The following TTC7B variants were observed in gnomAD, a reference collection of about 807,000 sequenced individuals.
The protein encoded by TTC7B is tetratricopeptide repeat protein 7B.
A neutral mutation model predicts 106.8 loss-of-function variants in TTC7B; 28 were observed. The observed-to-expected ratio is 0.26, with a 90% CI of 0.19 to 0.36. The LOEUF is 0.36. Ranked by LOEUF, TTC7B falls within the 10% of genes least tolerant of loss-of-function variation. The probability of loss-of-function intolerance (pLI) is 1.00; values close to 1 mark genes in which losing one functional copy is unlikely to be tolerated. For missense variants in TTC7B, 862 were observed against 1,076.4 expected (o/e 0.80, Z 2.79); for synonymous variants, 405 against 430.6 (o/e 0.94, Z 0.74).
intron 15 of TTC7B, 121 bp downstream of exon 15, chr14:90,643,927 T>G: frequency 8.2e-7 from 1 of 1,222,378 alleles, no homozygotes; most frequent in Non-Finnish European, 1.2e-6. Context: ...GTAAAGGGGA[T>G]TTTATATTAT....
Position 90,760,853 on chromosome 14 carries a change from A to G in TTC7B, c.446-15931T>C, listed in dbSNP as rs115643143. Among the ~76,000 whole-genome samples the G allele has an allele frequency of 2.2e-3, 330 of 152,326 alleles. 3 individuals carry two copies. The highest frequency in any genetic ancestry group is 0.01 in the Middle Eastern group (3 of 294). On this transcript the variant is annotated intron_variant, in intron 3 of 19. Coordinates refer to ENST00000328459, the MANE Select transcript of TTC7B (RefSeq NM_001010854.2). ...CAACAAGCCAATAGCCTGGAAACCT[A>G]TATGCTGAGCACTAGCCAAGAATTC...
chr14:90,582,222 C>T (rs907059123), intron 18 of TTC7B, among the ~76,000 whole-genome samples: 1 of 152,254 alleles, frequency 6.6e-6, no homozygotes, highest in Admixed American at 6.5e-5. Flanking sequence ...GCCCCCCTCT[C>T]TCTGCCTCTG....
intron 13 of TTC7B, among the ~76,000 whole-genome samples, chr14:90,651,134 T>C (rs978546294): frequency 1.3e-5 from 2 of 152,242 alleles, no homozygotes; most frequent in African/African-American, 4.8e-5. Flanking sequence ...AATTATCCAT[T>C]TACATTTAAG....
At chr14:90,792,855 T>C (rs1891633712) in intron 1 of TTC7B, among the ~76,000 whole-genome samples, 1 of 152,042 alleles carries the variant, frequency 6.6e-6, no homozygotes, top group Non-Finnish European at 1.5e-5. Flanking sequence ...GAATAGAATA[T>C]GCAAAGGTAT....
chr14:90,546,018 C>T lies in TTC7B; in HGVS notation c.2311-4429G>A, dbSNP rs368076987. On this transcript the variant is annotated intron_variant, in intron 19 of 19. Coordinates refer to ENST00000328459, the MANE Select transcript of TTC7B (RefSeq NM_001010854.2). ...AAGCTGGAGCTGCTTAGGGAGACATCGCAGACTTGCCAGGGGCTGCCAGCT... is the reference window on the plus strand; with the variant it reads ...AAGCTGGAGCTGCTTAGGGAGACATTGCAGACTTGCCAGGGGCTGCCAGCT... Among the ~76,000 whole-genome samples, 41 of 152,332 alleles carry T rather than the reference C, an allele frequency of 2.7e-4. No homozygotes were observed. The South Asian group carries it at 4.3e-3, about 16-fold the overall frequency.
At chr14:90,739,309 G>A (rs559615607) in intron 4 of TTC7B, among the ~76,000 whole-genome samples, 2 of 152,336 alleles carry the variant, frequency 1.3e-5, no homozygotes, top group East Asian at 3.9e-4. Flanking sequence ...AAGGAAAGGA[G>A]GAATTGGCCT....
At chr14:90,679,029 G>A (rs746163631) in intron 8 of TTC7B, among the ~76,000 whole-genome samples, 3 of 152,200 alleles carry the variant, frequency 2.0e-5, no homozygotes, top group East Asian at 3.9e-4. Context: ...TGGATGACCC[G>A]GTGGGGAAGC....
intron 5 of TTC7B, among the ~76,000 whole-genome samples, chr14:90,720,937 G>A (rs189253696): frequency 1.2e-3 from 186 of 152,240 alleles, no homozygotes; most frequent in Middle Eastern, 6.8e-3. Context: ...TATGTGAATG[G>A]ATAAACAAAC....
intron 9 of TTC7B, among the ~76,000 whole-genome samples, chr14:90,660,417 A>AAAAAAAAAAAG (rs1555386791): frequency 7.2e-4 from 86 of 119,420 alleles, no homozygotes; most frequent in African/African-American, 3.0e-3. Context: ...AAAAAAAAAA[A>AAAAAAAAAAAG]AAAAGAAAAG....
intron 19 of TTC7B, among the ~76,000 whole-genome samples, chr14:90,559,145 G>C (rs1001155196): frequency 6.6e-6 from 1 of 152,202 alleles, no homozygotes; most frequent in Non-Finnish European, 1.5e-5. Flanking sequence ...TACCCAGGCC[G>C]GGCAAACGCG....
chr14:90,646,428 A>C (rs1885455825), intron 14 of TTC7B, among the ~76,000 whole-genome samples: 1 of 152,222 alleles, frequency 6.6e-6, no homozygotes, highest in Non-Finnish European at 1.5e-5. Flanking sequence ...GATAGTGTTA[A>C]GTCCCCTTTT....
intron 19 of TTC7B, among the ~76,000 whole-genome samples, chr14:90,560,674 C>T (rs1430100926): frequency 3.3e-5 from 5 of 152,332 alleles, no homozygotes; most frequent in Middle Eastern, 3.4e-3. Context: ...AGGCTCCAAA[C>T]GGTGGCTCAG....
chr14:90,801,442 T>C lies in TTC7B; in HGVS notation c.121+14733A>G, dbSNP rs150893645. On this transcript the variant is annotated intron_variant, in intron 1 of 19. Coordinates refer to ENST00000328459, the MANE Select transcript of TTC7B (RefSeq NM_001010854.2). ...AAGCTGGCAAATGAGCGATAATTTG[T>C]TACAGCAGCCACAGGAAATGAGCAC... is the stretch of plus-strand genomic sequence containing the variant. 6.4e-3 allele frequency among the ~76,000 whole-genome samples: 967 copies of C among 152,120 alleles called. 11 individuals are homozygous for C. The highest frequency in any genetic ancestry group is 0.022 in the African/African-American group (922 of 41,484).
intron 7 of TTC7B, among the ~76,000 whole-genome samples, chr14:90,681,927 C>A (rs1323613715): frequency 6.6e-6 from 1 of 152,182 alleles, no homozygotes; most frequent in African/African-American, 2.4e-5. Context: ...ACTCGTGCCC[C>A]ACAATCATTT....
chr14:90,595,095 A>G (rs1384836524), intron 17 of TTC7B, among the ~76,000 whole-genome samples: 1 of 152,218 alleles, frequency 6.6e-6, no homozygotes, highest in Non-Finnish European at 1.5e-5. Context: ...GCACTTTGGG[A>G]GGCCGAGGCG....
At chr14:90,558,386 G>C (rs1298210) in intron 19 of TTC7B, among the ~76,000 whole-genome samples, 87,733 of 152,186 alleles carry the variant, frequency 0.58, 25,734 homozygotes, top group Non-Finnish European at 0.64. Flanking sequence ...TTAGGGCTGC[G>C]CCCACCAAGC....
At chr14:90,731,904 T>TA (rs1889345010) in intron 4 of TTC7B, among the ~76,000 whole-genome samples, 1 of 152,238 alleles carries the variant, frequency 6.6e-6, no homozygotes, top group African/African-American at 2.4e-5. Context: ...CGGAAACTTT[T>TA]AAAAATCATC....
intron 15 of TTC7B, among the ~76,000 whole-genome samples, chr14:90,635,954 T>C (rs887724817): frequency 2.6e-5 from 4 of 151,562 alleles, no homozygotes; most frequent in African/African-American, 7.3e-5. Flanking sequence ...ACCCCGTCTC[T>C]ACTAAAAAAT....
At chr14:90,801,017 T>A (rs897169971) in intron 1 of TTC7B, among the ~76,000 whole-genome samples, 2 of 151,792 alleles carry the variant, frequency 1.3e-5, no homozygotes, top group Non-Finnish European at 2.9e-5. Flanking sequence ...AGAGGAGACC[T>A]GTTAACTGAG....
Sources: allele counts gnomAD v4.1 joint callset (sites outside exome capture counted in the v4.1 genomes callset), GRCh38; gene constraint gnomAD v4.1.1; transcripts MANE v1.5; gene names NCBI Gene and HGNC (gene_info 2026-07-23, HGNC 2026-07-21).